AHCYL2: variants seen among roughly 807,000 people sequenced by gnomAD.
AHCYL2 encodes adenosylhomocysteinase like 2.
In AHCYL2, 28 loss-of-function variants were observed where a neutral mutation model predicts 81.4. The ratio of observed to expected loss-of-function variants is 0.34; its 90% CI spans 0.25 to 0.47. AHCYL2 has a LOEUF of 0.47. AHCYL2 is among the 20% of genes least tolerant of loss of function. AHCYL2 has a pLI of 1.00. For missense variants in AHCYL2, 551 were observed against 785.1 expected (o/e 0.70, Z 3.56); for synonymous variants, 272 against 290.2 (o/e 0.94, Z 0.64).
At chr7:129,423,054 C>G in intron 13 of AHCYL2, 116 bp downstream of exon 13, 1 of 737,872 alleles carries the variant, frequency 1.4e-6, no homozygotes, top group Non-Finnish European at 2.1e-6. Context: ...ACAAGTTTGA[C>G]TACTTTCCCA....
At chr7:129,396,697 A>G (rs1042068234) in intron 4 of AHCYL2, among the ~76,000 whole-genome samples, 1 of 152,056 alleles carries the variant, frequency 6.6e-6, no homozygotes, top group African/African-American at 2.4e-5. Context: ...GTGGGATTAC[A>G]GTCGTGAGCC....
At chr7:129,229,660 G>A (rs1320737688) in intron 1 of AHCYL2, among the ~76,000 whole-genome samples, 1 of 152,176 alleles carries the variant, frequency 6.6e-6, no homozygotes, top group Non-Finnish European at 1.5e-5. Context: ...GTGTCTGTCT[G>A]GCTAAGGCTT....
intron 1 of AHCYL2, among the ~76,000 whole-genome samples, chr7:129,316,380 C>T (rs941484111): frequency 1.2e-4 from 19 of 152,144 alleles, no homozygotes; most frequent in Non-Finnish European, 2.5e-4. Flanking sequence ...GCCTGGACTA[C>T]AGAACTTTGT....
intron 1 of AHCYL2, among the ~76,000 whole-genome samples, chr7:129,366,856 C>T (rs1794140755): frequency 6.6e-6 from 1 of 151,808 alleles, no homozygotes; most frequent in Non-Finnish European, 1.5e-5. Context: ...CTCAGGAGGT[C>T]CTGATGACAT....
chr7:129,380,028 TTGA>T (rs1333439449), intron 2 of AHCYL2, among the ~76,000 whole-genome samples: 1 of 152,132 alleles, frequency 6.6e-6, no homozygotes, highest in Non-Finnish European at 1.5e-5. Context: ...GAATATGTCA[TTGA>T]TGATCTTTCC....
intron 6 of AHCYL2, among the ~76,000 whole-genome samples, chr7:129,401,636 G>A (rs984649792): frequency 6.6e-6 from 1 of 152,214 alleles, no homozygotes; most frequent in East Asian, 1.9e-4. Context: ...AGTTGACAGT[G>A]GCTGTAAGAT....
chr7:129,248,484 G>A (rs1795134591), intron 1 of AHCYL2, among the ~76,000 whole-genome samples: 1 of 145,960 alleles, frequency 6.9e-6, no homozygotes, highest in South Asian at 2.2e-4. Context: ...TTTTATTGTT[G>A]TGTTGTTACT....
chr7:129,405,988 C>T, intron 9 of AHCYL2, 89 bp downstream of exon 9: 1 of 1,153,456 alleles, frequency 8.7e-7, no homozygotes, highest in Non-Finnish European at 1.3e-6. Flanking sequence ...CATATGAGTA[C>T]ACCCTTTACC....
intron 1 of AHCYL2, among the ~76,000 whole-genome samples, chr7:129,287,370 ACAG>A (rs900670336): frequency 7.2e-5 from 11 of 152,216 alleles, no homozygotes; most frequent in Admixed American, 2.6e-4. Flanking sequence ...CATTACTTCT[ACAG>A]CAGATTTTTC....
intron 1 of AHCYL2, among the ~76,000 whole-genome samples, chr7:129,354,429 C>T (rs556148202): frequency 1.3e-5 from 2 of 152,188 alleles, no homozygotes; most frequent in Non-Finnish European, 2.9e-5. Flanking sequence ...AAGTATAGAA[C>T]ATTATGACAG....
chr7:129,323,650 TA>T (rs1263976933), intron 1 of AHCYL2, among the ~76,000 whole-genome samples: 1 of 152,286 alleles, frequency 6.6e-6, no homozygotes, highest in East Asian at 1.9e-4. Flanking sequence ...AAGAGAAAGG[TA>T]TTGAAATTTG....
intron 1 of AHCYL2, among the ~76,000 whole-genome samples, chr7:129,360,017 C>A (rs1204998852): frequency 6.6e-6 from 1 of 151,880 alleles, no homozygotes; most frequent in Non-Finnish European, 1.5e-5. Flanking sequence ...TTTACTCATA[C>A]CCTGTTCTCT....
intron 11 of AHCYL2, among the ~76,000 whole-genome samples, 177 bp downstream of exon 11, chr7:129,409,723 A>G (rs1796475577): frequency 6.6e-6 from 1 of 152,260 alleles, no homozygotes; most frequent in Non-Finnish European, 1.5e-5. Flanking sequence ...GACCAAAGGT[A>G]TACGATTAGG....
chr7:129,228,507 T>C (rs576923400), intron 1 of AHCYL2, among the ~76,000 whole-genome samples: 3 of 152,190 alleles, frequency 2.0e-5, no homozygotes, highest in Non-Finnish European at 4.4e-5. Context: ...TTTTCATAAG[T>C]TGACATCAAG....
intron 1 of AHCYL2, among the ~76,000 whole-genome samples, chr7:129,236,102 A>G (rs1193133608): frequency 6.7e-6 from 1 of 149,378 alleles, no homozygotes; most frequent in Non-Finnish European, 1.5e-5. Flanking sequence ...GCTCACTGCA[A>G]CCTCCACTTC....
intron 1 of AHCYL2, among the ~76,000 whole-genome samples, chr7:129,323,227 T>C (rs921298933): frequency 6.6e-6 from 1 of 152,176 alleles, no homozygotes; most frequent in African/African-American, 2.4e-5. Context: ...GTACTATAAA[T>C]TTCCCTCTAA....
chr7:129,312,950 A>C (rs980498068), intron 1 of AHCYL2, among the ~76,000 whole-genome samples: 1 of 152,132 alleles, frequency 6.6e-6, no homozygotes, highest in African/African-American at 2.4e-5. Context: ...CTCTTCACCA[A>C]TCCCTGCTTC....
At chr7:129,259,369 T>G (rs1373284977) in intron 1 of AHCYL2, among the ~76,000 whole-genome samples, 1 of 152,204 alleles carries the variant, frequency 6.6e-6, no homozygotes, top group African/African-American at 2.4e-5. Flanking sequence ...TTTTAAAATT[T>G]TTTTCAATAA....
intron 1 of AHCYL2, among the ~76,000 whole-genome samples, chr7:129,264,174 A>G (rs1795737826): frequency 6.6e-6 from 1 of 152,124 alleles, no homozygotes; most frequent in Non-Finnish European, 1.5e-5. Flanking sequence ...GGCACCCGCC[A>G]CCATGCCCGG....
Sources: gnomAD v4.1 joint callset for allele counts (sites outside exome capture counted in the v4.1 genomes callset) on GRCh38, gnomAD v4.1.1 for gene constraint, MANE v1.5 for transcripts, NCBI Gene and HGNC (gene_info 2026-07-23, HGNC 2026-07-21) for gene names.